Variants in SHISA9 observed in about 807,000 individuals in gnomAD.
SHISA9 encodes protein shisa-9.
Under a neutral mutation model 38.0 loss-of-function variants are expected in SHISA9, and 13 were observed. The observed-to-expected ratio is 0.34, with a 90% CI of 0.22 to 0.54. The LOEUF is 0.54. Ranked by LOEUF, SHISA9 falls within the 20% of genes least tolerant of loss-of-function variation. The pLI is 0.91. For synonymous variants in SHISA9, 275 were observed against 242.0 expected (o/e 1.14, Z -1.27); for missense variants, 538 against 575.8 (o/e 0.93, Z 0.67).
At chr16:13,356,461 C>A in the SHISA9 span, among the ~76,000 whole-genome samples, 2 of 152,204 alleles carry the variant, frequency 1.3e-5, no homozygotes, top group African/African-American at 4.8e-5. Context: ...CTCCAGCCAC[C>A]TTTTTAAGAG....
At chr16:13,381,568 T>C in the SHISA9 span, among the ~76,000 whole-genome samples, 1 of 152,242 alleles carries the variant, frequency 6.6e-6, no homozygotes, top group Non-Finnish European at 1.5e-5. Flanking sequence ...TTTAACTATA[T>C]TTGAGATGTA....
the SHISA9 span, among the ~76,000 whole-genome samples, chr16:13,355,518 TTTAG>T: frequency 5.3e-5 from 8 of 151,986 alleles, no homozygotes; most frequent in African/African-American, 7.3e-5. Context: ...AAGCAGATAA[TTTAG>T]TTAAAGTGTC....
chr16:13,376,139 T>A, the SHISA9 span, among the ~76,000 whole-genome samples: 1 of 152,162 alleles, frequency 6.6e-6, no homozygotes, highest in Non-Finnish European at 1.5e-5. Flanking sequence ...CTCTGAAAAA[T>A]TCTGCTCATA....
intron 2 of SHISA9, among the ~76,000 whole-genome samples, chr16:13,174,735 T>A (rs2050716984): frequency 6.6e-6 from 1 of 152,076 alleles, no homozygotes; most frequent in African/African-American, 2.4e-5. Flanking sequence ...TGAAATGATC[T>A]CTCTCTTGCT....
chr16:13,280,387 T>C, the SHISA9 span, among the ~76,000 whole-genome samples: 1 of 151,726 alleles, frequency 6.6e-6, no homozygotes, highest in African/African-American at 2.4e-5. Flanking sequence ...GGACAATTAG[T>C]CTATTGATTT....
chr16:13,324,801 A>G, the SHISA9 span, among the ~76,000 whole-genome samples: 8 of 152,298 alleles, frequency 5.3e-5, no homozygotes, highest in Non-Finnish European at 8.8e-5. Context: ...TTGGTTTTCT[A>G]TAGTTTGGGG....
chr16:13,223,430 T>C (rs2051248726), intron 4 of SHISA9, among the ~76,000 whole-genome samples: 1 of 152,098 alleles, frequency 6.6e-6, no homozygotes, highest in Non-Finnish European at 1.5e-5. Context: ...GATGTGCATA[T>C]TTCCAAACTT....
chr16:13,475,760 C>G, the SHISA9 span, among the ~76,000 whole-genome samples: 1 of 152,066 alleles, frequency 6.6e-6, no homozygotes, highest in African/African-American at 2.4e-5. Context: ...GAGTCCTGAC[C>G]TTGTTTTCCT....
At chr16:13,386,480 C>G in the SHISA9 span, among the ~76,000 whole-genome samples, 1 of 152,174 alleles carries the variant, frequency 6.6e-6, no homozygotes, top group Admixed American at 6.5e-5. Context: ...CTTAATTTCT[C>G]TGCCTAGCTT....
At chr16:13,364,182 T>C in the SHISA9 span, among the ~76,000 whole-genome samples, 2 of 152,252 alleles carry the variant, frequency 1.3e-5, no homozygotes, top group Non-Finnish European at 2.9e-5. Flanking sequence ...ACAGATTTAC[T>C]CTGCCTTTTG....
intron 2 of SHISA9, among the ~76,000 whole-genome samples, chr16:13,006,065 C>T (rs528140525): frequency 2.6e-5 from 4 of 152,252 alleles, no homozygotes; most frequent in South Asian, 2.1e-4. Context: ...CATGCGCGCA[C>T]GCACACACAC....
At chr16:13,262,658 A>AGGGAGGGAGGG in the SHISA9 span, among the ~76,000 whole-genome samples, 1 of 51,840 alleles carries the variant, frequency 1.9e-5, no homozygotes, top group African/African-American at 9.6e-5. Flanking sequence ...GGAAGGAAGG[A>AGGGAGGGAGGG]AGGAAGGAAG....
chr16:13,411,858 C>G, the SHISA9 span, among the ~76,000 whole-genome samples: 1 of 152,118 alleles, frequency 6.6e-6, no homozygotes, highest in Non-Finnish European at 1.5e-5. Flanking sequence ...TATTTGCTAC[C>G]AGAAAGAGGA....
intron 2 of SHISA9, among the ~76,000 whole-genome samples, chr16:12,984,137 AC>A (rs2072276806): frequency 6.6e-6 from 1 of 151,970 alleles, no homozygotes; most frequent in African/African-American, 2.4e-5. Context: ...TGGCCTTCCT[AC>A]CAATTTTCCC....
intron 2 of SHISA9, among the ~76,000 whole-genome samples, chr16:13,087,227 T>C (rs532899854): frequency 6.6e-6 from 1 of 150,782 alleles, no homozygotes; most frequent in Non-Finnish European, 1.5e-5. Context: ...CAGTCTATCA[T>C]TGATGGACAT....
At chr16:13,222,204 C>T (rs1266015803) in intron 4 of SHISA9, among the ~76,000 whole-genome samples, 1 of 152,096 alleles carries the variant, frequency 6.6e-6, no homozygotes, top group Non-Finnish European at 1.5e-5. Flanking sequence ...CCACCAGGTC[C>T]CTCCCAAGAC....
chr16:13,071,578 T>C (rs967075445), intron 2 of SHISA9, among the ~76,000 whole-genome samples: 2 of 136,600 alleles, frequency 1.5e-5, no homozygotes, highest in African/African-American at 6.9e-5. Flanking sequence ...CCTCCCTTCC[T>C]CCCTTCCTTC....
At chr16:13,469,299 A>G in the SHISA9 span, among the ~76,000 whole-genome samples, 1 of 81,126 alleles carries the variant, frequency 1.2e-5, no homozygotes, top group Admixed American at 1.3e-4. Flanking sequence ...AGAGAAAGAA[A>G]GACAGAGAGA....
At chr16:12,935,227 T>G (rs1383850887) in intron 2 of SHISA9, among the ~76,000 whole-genome samples, 1 of 152,156 alleles carries the variant, frequency 6.6e-6, no homozygotes, top group Non-Finnish European at 1.5e-5. Flanking sequence ...ATCATGAGTA[T>G]TCAAAAAGGG....
Sources: gnomAD v4.1 joint callset for allele counts (sites outside exome capture counted in the v4.1 genomes callset) on GRCh38, gnomAD v4.1.1 for gene constraint, MANE v1.5 for transcripts, NCBI Gene and HGNC (gene_info 2026-07-23, HGNC 2026-07-21) for gene names.